The following SNX7 variants were observed in gnomAD, a reference collection of about 807,000 sequenced individuals.
The protein encoded by SNX7 is sorting nexin 7, also known as sorting nexin-7.
Under a neutral mutation model 48.4 loss-of-function variants are expected in SNX7, and 35 were observed. The ratio of observed to expected loss-of-function variants is 0.72; its 90% CI spans 0.55 to 0.96. The LOEUF (loss-of-function observed/expected upper bound fraction) is 0.96. Among genes scored for constraint, SNX7 ranks in the 40% least tolerant of loss-of-function variants. The pLI is 0.00. For missense variants in SNX7, 553 were observed against 548.9 expected (o/e 1.01, Z -0.07); for synonymous variants, 190 against 190.2 (o/e 1.00, Z 0.01).
intron 4 of SNX7, among the ~76,000 whole-genome samples, chr1:98,694,256 G>T (rs951489565): frequency 1.3e-5 from 2 of 151,606 alleles, no homozygotes; most frequent in Non-Finnish European, 2.9e-5. Context: ...TGTAATCCCA[G>T]CTACTCAGGA....
At chr1:98,671,248 A>G (rs1649848697) in intron 1 of SNX7, among the ~76,000 whole-genome samples, 1 of 152,206 alleles carries the variant, frequency 6.6e-6, no homozygotes, top group Non-Finnish European at 1.5e-5. Context: ...AGTTTTCTCA[A>G]TAAACAGGTA....
Position 98,698,778 on chromosome 1 carries a change from A to G in SNX7, c.911A>G (p.Asp304Gly), listed in dbSNP as rs1651595678. The G allele has an allele frequency of 6.2e-7, 1 of 1,613,686 alleles. No individual in the cohort carries two copies. The highest frequency in any genetic ancestry group is 1.1e-5 in the South Asian group (1 of 91,072). ...LWSASEEDLV[D>G]TLKDVASCID... is the part of the protein sequence containing the mutation. ...TCAGCGTCAGAAGAGGATCTGGTTG[A>G]TACTCTAAAGGATGTTGCCAGCTGC... The change falls in exon 6 of 9, where the codon GAT (aspartate) becomes GGT (glycine). Residue 304 changes from aspartate (D) to glycine (G), a missense_variant. Transcript: ENST00000306121.
chr1:98,696,984 G>T (rs1253013739), intron 5 of SNX7, among the ~76,000 whole-genome samples: 1 of 152,168 alleles, frequency 6.6e-6, no homozygotes, highest in East Asian at 1.9e-4. Flanking sequence ...CTAAATGTTT[G>T]CATACAGATT....
At chr1:98,718,780 TTC>T in intron 7 of SNX7, among the ~76,000 whole-genome samples, 1 of 152,210 alleles carries the variant, frequency 6.6e-6, no homozygotes, top group African/African-American at 2.4e-5. Flanking sequence ...CCAATATACA[TTC>T]TGACTTTTTA....
chr1:98,666,287 C>G (rs182470169), intron 1 of SNX7, among the ~76,000 whole-genome samples: 5 of 152,206 alleles, frequency 3.3e-5, no homozygotes, highest in African/African-American at 1.2e-4. Context: ...TATTAGCATC[C>G]CTAGCTTTAA....
chr1:98,664,221 G>A (rs1040584331), intron 1 of SNX7, among the ~76,000 whole-genome samples: 1 of 152,098 alleles, frequency 6.6e-6, no homozygotes, highest in Admixed American at 6.5e-5. Context: ...TAGATTATTT[G>A]TGAATATGTG....
chr1:98,700,870 A>G (rs551513523), intron 6 of SNX7, among the ~76,000 whole-genome samples: 23 of 152,222 alleles, frequency 1.5e-4, no homozygotes, highest in African/African-American at 5.1e-4. Flanking sequence ...CTTCTTCTTT[A>G]AAACACCAGA....
At chr1:98,699,985 AC>A (rs1260837991) in intron 6 of SNX7, among the ~76,000 whole-genome samples, 2 of 152,022 alleles carry the variant, frequency 1.3e-5, no homozygotes, top group African/African-American at 2.4e-5. Context: ...TATTGGGGTC[AC>A]CCCCTTGTGT....
chr1:98,702,488 C>T (rs2100977132), intron 7 of SNX7, among the ~76,000 whole-genome samples: 1 of 152,172 alleles, frequency 6.6e-6, no homozygotes, highest in East Asian at 1.9e-4. Flanking sequence ...TGTCTCTCCT[C>T]ATTTTTAAAT....
At chr1:98,665,029 A>G (rs983142323) in intron 1 of SNX7, among the ~76,000 whole-genome samples, 5 of 152,202 alleles carry the variant, frequency 3.3e-5, no homozygotes, top group African/African-American at 1.2e-4. Flanking sequence ...TTGGGGAAAA[A>G]CAATAAATTA....
intron 1 of SNX7, among the ~76,000 whole-genome samples, chr1:98,672,503 C>A (rs1389981047): frequency 6.6e-6 from 1 of 150,524 alleles, no homozygotes; most frequent in Non-Finnish European, 1.5e-5. Context: ...AACAATCAGA[C>A]CACCTCTAAC....
chr1:98,730,544 A>G (rs781587231), intron 7 of SNX7, among the ~76,000 whole-genome samples: 193 of 152,230 alleles, frequency 1.3e-3, no homozygotes, highest in Non-Finnish European at 2.1e-3. Flanking sequence ...CTGATAAACA[A>G]CTTCAGCAAA....
chr1:98,744,509 G>A (rs1282780116), intron 8 of SNX7, among the ~76,000 whole-genome samples: 1 of 151,938 alleles, frequency 6.6e-6, no homozygotes, highest in African/African-American at 2.4e-5. Flanking sequence ...AGTCAAATGA[G>A]AGTAGGTATG....
intron 4 of SNX7, among the ~76,000 whole-genome samples, chr1:98,693,548 A>C (rs1030846127): frequency 1.3e-5 from 2 of 152,230 alleles, no homozygotes; most frequent in Admixed American, 1.3e-4. Context: ...TATTTTCTAC[A>C]GTCAACAGTT....
intron 7 of SNX7, among the ~76,000 whole-genome samples, chr1:98,709,747 A>G (rs1002773631): frequency 3.9e-5 from 6 of 152,108 alleles, no homozygotes; most frequent in Admixed American, 6.6e-5. Flanking sequence ...TACAGTAGTT[A>G]CTAGACTATT....
intron 7 of SNX7, among the ~76,000 whole-genome samples, chr1:98,723,758 G>A (rs1182391732): frequency 2.1e-5 from 3 of 145,656 alleles, no homozygotes; most frequent in African/African-American, 5.0e-5. Flanking sequence ...TTGGGAGGCT[G>A]GGGCAGGAGA....
intron 7 of SNX7, among the ~76,000 whole-genome samples, chr1:98,728,834 A>G (rs1396414807): frequency 6.6e-6 from 1 of 152,202 alleles, no homozygotes; most frequent in African/African-American, 2.4e-5. Flanking sequence ...AGATTCCCAC[A>G]TAATAATAGT....
rs1230593996 is a variant in SNX7, at chr1:98,760,153, G to A, written c.*22G>A. The A allele has an allele frequency of 2.6e-6, 4 of 1,538,376 alleles. No individual in the cohort carries two copies. Among genetic ancestry groups the A allele is most frequent in the Non-Finnish European group, 3.6e-6 (4 of 1,111,942 alleles). On this transcript the variant is annotated 3_prime_UTR_variant, in exon 9 of 9. Coordinates refer to ENST00000306121, the MANE Select transcript of SNX7 (RefSeq NM_015976.5). ...TTAATCCCATTGAGGACTTCTGTTT[G>A]ATCTTTGGGAGACAGCATTTATTAA...
chr1:98,732,892 G>A (rs1653587234), intron 7 of SNX7, among the ~76,000 whole-genome samples: 1 of 152,068 alleles, frequency 6.6e-6, no homozygotes, highest in Non-Finnish European at 1.5e-5. Context: ...AAAGAGCAGA[G>A]CTGCACATCA....
Sources: gnomAD v4.1 joint callset for allele counts (sites outside exome capture counted in the v4.1 genomes callset) on GRCh38, gnomAD v4.1.1 for gene constraint, MANE v1.5 for transcripts, NCBI Gene and HGNC (gene_info 2026-07-23, HGNC 2026-07-21) for gene names.